IMPG1: variants seen among roughly 807,000 people sequenced by gnomAD.
IMPG1 encodes interphotoreceptor matrix proteoglycan 1.
In IMPG1, 85 loss-of-function variants were observed where a neutral mutation model predicts 92.0. The ratio of observed to expected loss-of-function variants is 0.92; its 90% CI spans 0.78 to 1.11. The LOEUF is 1.11. Ranked by LOEUF, IMPG1 falls within the 50% of genes least tolerant of loss-of-function variation. IMPG1 has a pLI of 0.00. For missense variants in IMPG1, 1,022 were observed against 956.0 expected (o/e 1.07, Z -0.91); for synonymous variants, 367 against 334.1 (o/e 1.10, Z -1.08).
chr6:76,069,044 A>C (rs1408720705), intron 1 of IMPG1, among the ~76,000 whole-genome samples: 1 of 152,160 alleles, frequency 6.6e-6, no homozygotes. Flanking sequence ...AGATATATAT[A>C]GAATGGAACA....
chr6:75,979,512 A>G (rs1782594751), intron 12 of IMPG1, among the ~76,000 whole-genome samples: 1 of 152,206 alleles, frequency 6.6e-6, no homozygotes, highest in South Asian at 2.1e-4. Flanking sequence ...TTCTATTGTC[A>G]ATAATGGATC....
intron 1 of IMPG1, among the ~76,000 whole-genome samples, chr6:76,062,648 T>C (rs1415027505): frequency 6.6e-6 from 1 of 152,194 alleles, no homozygotes; most frequent in Non-Finnish European, 1.5e-5. Context: ...CTAGTTGTGT[T>C]GAATTGAACC....
At chr6:75,968,609 C>T (rs1321290798) in intron 12 of IMPG1, among the ~76,000 whole-genome samples, 1 of 151,308 alleles carries the variant, frequency 6.6e-6, no homozygotes, top group East Asian at 1.9e-4. Context: ...CCATCATTTA[C>T]TATTTTTCAC....
intron 1 of IMPG1, among the ~76,000 whole-genome samples, chr6:76,055,081 T>C (rs1784098728): frequency 1.3e-5 from 2 of 151,952 alleles, no homozygotes; most frequent in South Asian, 4.1e-4. Flanking sequence ...CTAATGGACA[T>C]GTATGAGGCA....
chr6:76,068,058 A>G (rs1784341893), intron 1 of IMPG1, among the ~76,000 whole-genome samples: 1 of 152,212 alleles, frequency 6.6e-6, no homozygotes, highest in Non-Finnish European at 1.5e-5. Flanking sequence ...AAAGCCGTGT[A>G]TGACAAACCC....
At chr6:76,050,312 G>A (rs375406996) in intron 1 of IMPG1, among the ~76,000 whole-genome samples, 30 of 152,014 alleles carry the variant, frequency 2.0e-4, no homozygotes, top group African/African-American at 5.8e-4. Context: ...ACACAGTGGC[G>A]CACCCCTGTA....
intron 12 of IMPG1, among the ~76,000 whole-genome samples, chr6:75,982,675 C>T (rs1422807464): frequency 6.6e-6 from 1 of 151,462 alleles, no homozygotes; most frequent in Non-Finnish European, 1.5e-5. Context: ...TCACCTGCAA[C>T]AAAGAATGCC....
chr6:76,070,860 A>G (rs1020871038), intron 1 of IMPG1, among the ~76,000 whole-genome samples: 2 of 152,076 alleles, frequency 1.3e-5, no homozygotes, highest in Non-Finnish European at 2.9e-5. Context: ...AAATTACCCA[A>G]TGAGTACAAT....
chr6:76,032,002 T>TA (rs1253683368), intron 4 of IMPG1, among the ~76,000 whole-genome samples: 3 of 152,244 alleles, frequency 2.0e-5, no homozygotes, highest in African/African-American at 7.2e-5. Flanking sequence ...CTGGCAGACT[T>TA]ACGGGTTAGT....
At chr6:76,031,749 C>T (rs1388761970) in intron 4 of IMPG1, among the ~76,000 whole-genome samples, 1 of 152,162 alleles carries the variant, frequency 6.6e-6, no homozygotes, top group African/African-American at 2.4e-5. Context: ...TCATCTCCTT[C>T]CCTGTCTTGC....
chr6:75,985,437 C>T (rs1031555525), intron 12 of IMPG1, among the ~76,000 whole-genome samples: 2 of 151,846 alleles, frequency 1.3e-5, no homozygotes, highest in African/African-American at 2.4e-5. Flanking sequence ...CAGGTGGGAC[C>T]AGATCAGAGA....
At chr6:76,041,784 G>T (rs905456206) in intron 2 of IMPG1, 109 bp downstream of exon 2, 1 of 684,752 alleles carries the variant, frequency 1.5e-6, no homozygotes, top group Non-Finnish European at 2.6e-6. Flanking sequence ...TATAATTCTT[G>T]TGGCTAAATG....
rs1384703548 is a variant in IMPG1 at position 75,924,657 on chromosome 6, A to ATGATATATT, written c.2244-952_2244-951insAATATATCA. ...ATATTATATATAATTAATTATATATAATATATAATAAATTATATATTATAT... is the reference window on the plus strand; with the variant it reads ...ATATTATATATAATTAATTATATATATGATATATTATATATAATAAATTATATATTATAT... On this transcript the variant is annotated intron_variant, in intron 15 of 16. Transcript: ENST00000369950. 0.022 allele frequency among the ~76,000 whole-genome samples: 150 copies of ATGATATATT among 6,684 alleles called. 50 individuals are homozygous for ATGATATATT. The East Asian group carries it at 0.26, about 12-fold the overall frequency. The allele number at this position is 6,684 out of a possible 152,430, so 4.4% of individuals were successfully genotyped here.
intron 6 of IMPG1, among the ~76,000 whole-genome samples, chr6:76,019,990 A>G: frequency 6.6e-6 from 1 of 152,178 alleles, no homozygotes; most frequent in East Asian, 1.9e-4. Flanking sequence ...ATTTTTTCCA[A>G]CAGTACTTTT....
At chr6:75,987,808 C>A (rs945160377) in intron 12 of IMPG1, among the ~76,000 whole-genome samples, 1 of 151,982 alleles carries the variant, frequency 6.6e-6, no homozygotes, top group African/African-American at 2.4e-5. Context: ...CAAGGCCCGA[C>A]TAATTTTTTT....
At chr6:76,070,843 G>T (rs1010935762) in intron 1 of IMPG1, among the ~76,000 whole-genome samples, 1 of 151,884 alleles carries the variant, frequency 6.6e-6, no homozygotes, top group Non-Finnish European at 1.5e-5. Context: ...GGGGAATGAG[G>T]GATGAAAAAT....
chr6:76,025,167 A>G (rs756083672), intron 5 of IMPG1, 27 bp downstream of exon 5: 1 of 1,402,408 alleles, frequency 7.1e-7, no homozygotes, highest in Non-Finnish European at 1.0e-6. Context: ...GAAAGTTGAG[A>G]AGCAAAGAAA....
intron 7 of IMPG1, among the ~76,000 whole-genome samples, chr6:76,015,593 G>T (rs1488355874): frequency 6.6e-6 from 1 of 151,946 alleles, no homozygotes; most frequent in Non-Finnish European, 1.5e-5. Context: ...CTGAGGTCAG[G>T]AGTTCGAGAC....
intron 12 of IMPG1, among the ~76,000 whole-genome samples, chr6:75,965,167 C>T (rs1385029496): frequency 6.6e-6 from 1 of 152,086 alleles, no homozygotes; most frequent in African/African-American, 2.4e-5. Context: ...AATATGCATG[C>T]ACAGGTTTTT....
Sources: gnomAD v4.1 joint callset for allele counts (sites outside exome capture counted in the v4.1 genomes callset) on GRCh38, gnomAD v4.1.1 for gene constraint, MANE v1.5 for transcripts, NCBI Gene and HGNC (gene_info 2026-07-23, HGNC 2026-07-21) for gene names.